Variants in PPP6R2 observed in about 807,000 individuals in gnomAD.
The protein encoded by PPP6R2 is serine/threonine-protein phosphatase 6 regulatory subunit 2.
In PPP6R2, 62 loss-of-function variants were observed where a neutral mutation model predicts 100.2. That is an observed-to-expected ratio of 0.62 (90% CI 0.50 to 0.76). The LOEUF is 0.76. Among genes scored for constraint, PPP6R2 ranks in the 30% least tolerant of loss-of-function variants. PPP6R2 has a pLI of 0.00. For synonymous variants in PPP6R2, 525 were observed against 514.7 expected, an observed-to-expected ratio of 1.02 and a Z score of -0.27; for missense variants, 1,142 against 1,276.3, an observed-to-expected ratio of 0.89 and a Z score of 1.60.
intron 21 of PPP6R2, among the ~76,000 whole-genome samples, chr22:50,440,266 C>G (rs1412450678): frequency 6.6e-6 from 1 of 152,236 alleles, no homozygotes; most frequent in Non-Finnish European, 1.5e-5. Flanking sequence ...ATTGGGCTGG[C>G]TCTGAGCCTG....
intron 1 of PPP6R2, among the ~76,000 whole-genome samples, chr22:50,364,987 C>A (rs1043830599): frequency 2.6e-5 from 4 of 151,078 alleles, no homozygotes; most frequent in Non-Finnish European, 5.9e-5. Flanking sequence ...GAAAAAAAAT[C>A]TTTTATGATT....
At chr22:50,443,727 CA>C in intron 22 of PPP6R2, 138 bp from the exon 23 acceptor site, 3 of 1,261,190 alleles carry the variant, frequency 2.4e-6, no homozygotes, top group Non-Finnish European at 2.1e-6. Context: ...GGCCACCCCA[CA>C]AAGGGCAGGA....
intron 10 of PPP6R2, among the ~76,000 whole-genome samples, chr22:50,425,165 C>T (rs1463158398): frequency 6.6e-6 from 1 of 152,194 alleles, no homozygotes; most frequent in Non-Finnish European, 1.5e-5. Context: ...ATTCATTCTC[C>T]CTCTCCACAG....
At chr22:50,380,432 C>G (rs1199027896) in intron 2 of PPP6R2, among the ~76,000 whole-genome samples, 1 of 151,128 alleles carries the variant, frequency 6.6e-6, no homozygotes, top group Admixed American at 6.6e-5. Context: ...GCAGTCTCGG[C>G]TCACTGCAAC....
At position 50,418,274 on chromosome 22, in the gene PPP6R2, C is replaced by G. The variant is rs145622784; in HGVS notation, c.619-593C>G. Among the ~76,000 whole-genome samples, 240 of 152,254 alleles carry G rather than the reference C, an allele frequency of 1.6e-3. 5 individuals are homozygous for G. The East Asian group carries it at 0.042, about 26-fold the overall frequency. Reference sequence around the variant, plus strand: ...ATGCAGCTTTAAAAAAAAGAAAACTCTAACCAGATCTACATTTTGACGACA... The same window carrying G: ...ATGCAGCTTTAAAAAAAAGAAAACTGTAACCAGATCTACATTTTGACGACA... On this transcript the variant is annotated intron_variant, in intron 6 of 23. Transcript: ENST00000612753.
chr22:50,359,006 C>A (rs1259956217), intron 1 of PPP6R2, among the ~76,000 whole-genome samples: 1 of 93,676 alleles, frequency 1.1e-5, no homozygotes, highest in Non-Finnish European at 2.3e-5. Flanking sequence ...CCCCCCCCCC[C>A]AACTCTTTTT....
chr22:50,338,071 GGT>G, the PPP6R2 span, among the ~76,000 whole-genome samples: 2 of 146,426 alleles, frequency 1.4e-5, no homozygotes, highest in African/African-American at 5.0e-5. Flanking sequence ...TGGTGTGTGT[GGT>G]GTGTGTGATG....
At chr22:50,441,225 TG>T (rs1368347029) in intron 22 of PPP6R2, among the ~76,000 whole-genome samples, 199 bp downstream of exon 22, 1 of 152,164 alleles carries the variant, frequency 6.6e-6, no homozygotes, top group Non-Finnish European at 1.5e-5. Flanking sequence ...GGAGGCCAGA[TG>T]GGAGAAGTGT....
intron 1 of PPP6R2, among the ~76,000 whole-genome samples, chr22:50,360,246 C>T (rs1322434284): frequency 6.6e-6 from 1 of 151,488 alleles, no homozygotes; most frequent in Non-Finnish European, 1.5e-5. Flanking sequence ...AGAGATGGGG[C>T]TTCACCGTGT....
At chr22:50,381,049 T>G in intron 2 of PPP6R2, among the ~76,000 whole-genome samples, 1 of 136,932 alleles carries the variant, frequency 7.3e-6, no homozygotes, top group African/African-American at 2.8e-5. Flanking sequence ...GGGAGGTGGA[T>G]GTTGCAGTGA....
At chr22:50,336,755 G>C in the PPP6R2 span, among the ~76,000 whole-genome samples, 1 of 151,628 alleles carries the variant, frequency 6.6e-6, no homozygotes, top group Non-Finnish European at 1.5e-5. Context: ...CACTCAGGTT[G>C]CAGTACAGTG....
In PPP6R2 at chr22:50,374,784, C is replaced by G. The variant is rs376576687; in HGVS notation, c.-17+2634C>G. Among the ~76,000 whole-genome samples the G allele has an allele frequency of 4.6e-5, 7 of 151,838 alleles. No individual in the cohort carries two copies. The East Asian group carries it at 1.4e-3, about 29-fold the overall frequency. On this transcript the variant is annotated intron_variant, in intron 2 of 23. Transcript: ENST00000612753. ...CAAAAATTAGCCGGGCGTGGTGGTG[C>G]GCGCCTGTATTCCCAGCTACTCAGG...
chr22:50,356,181 G>A (rs1054530030), intron 1 of PPP6R2, among the ~76,000 whole-genome samples: 4 of 150,652 alleles, frequency 2.7e-5, no homozygotes, highest in African/African-American at 7.3e-5. Flanking sequence ...AGCCAGGATG[G>A]TCTCGATCTC....
chr22:50,409,055 A>C (rs187676205), intron 4 of PPP6R2, among the ~76,000 whole-genome samples: 2 of 152,330 alleles, frequency 1.3e-5, no homozygotes, highest in East Asian at 3.9e-4. Context: ...CAGAGGTTGC[A>C]GTGAGCTGAG....
intron 19 of PPP6R2, 31 bp from the exon 20 acceptor site, chr22:50,439,670 A>T: frequency 6.6e-7 from 1 of 1,526,386 alleles, no homozygotes; most frequent in Non-Finnish European, 8.8e-7. Flanking sequence ...AGGCCTGCCC[A>T]CGCCTGACCA....
chr22:50,391,469 C>G (rs991101654), intron 2 of PPP6R2, among the ~76,000 whole-genome samples: 3 of 141,024 alleles, frequency 2.1e-5, no homozygotes, highest in African/African-American at 5.5e-5. Flanking sequence ...TAAACATTAG[C>G]TGGTCATGGT....
chr22:50,424,633 C>CTTTTTTTTTTTTTTTTT (rs71198247), intron 10 of PPP6R2, among the ~76,000 whole-genome samples: 1 of 74,252 alleles, frequency 1.3e-5, no homozygotes, highest in Non-Finnish European at 2.5e-5. Context: ...CCCTCTTCTT[C>CTTTTTTTTTTTTTTTTT]TTTTTTTTTT....
intron 3 of PPP6R2, among the ~76,000 whole-genome samples, chr22:50,402,088 G>A (rs542703859): frequency 2.6e-5 from 4 of 151,988 alleles, no homozygotes; most frequent in Admixed American, 1.3e-4. Flanking sequence ...GCTCTCCTCC[G>A]TGTGCCTTGT....
At chr22:50,385,360 G>A (rs1035744405) in intron 2 of PPP6R2, among the ~76,000 whole-genome samples, 2 of 150,406 alleles carry the variant, frequency 1.3e-5, no homozygotes, top group South Asian at 2.1e-4. Flanking sequence ...CATCACGTCC[G>A]GCTAATTTTT....
Sources: allele counts gnomAD v4.1 joint callset (sites outside exome capture counted in the v4.1 genomes callset), GRCh38; gene constraint gnomAD v4.1.1; transcripts MANE v1.5; gene names NCBI Gene and HGNC (gene_info 2026-07-23, HGNC 2026-07-21).